Variants in USP34 observed in about 807,000 individuals in gnomAD.
USP34 encodes the protein ubiquitin carboxyl-terminal hydrolase 34.
A neutral mutation model predicts 460.3 loss-of-function variants in USP34; 70 were observed. The ratio of observed to expected loss-of-function variants is 0.15; its 90% CI spans 0.13 to 0.19. The LOEUF (loss-of-function observed/expected upper bound fraction) is 0.19. Among genes scored for constraint, USP34 ranks in the 10% least tolerant of loss-of-function variants. USP34 has a pLI of 1.00. For missense variants in USP34, 3,985 were observed against 4,236.2 expected, an observed-to-expected ratio of 0.94 and a Z score of 1.65; for synonymous variants, 1,647 against 1,405.3, an observed-to-expected ratio of 1.17 and a Z score of -3.85.
chr2:61,218,697 C>T (rs1220188946), intron 67 of USP34, among the ~76,000 whole-genome samples: 1 of 152,000 alleles, frequency 6.6e-6, no homozygotes, highest in African/African-American at 2.4e-5. Context: ...TTTACAGTTT[C>T]AAGGAATACT....
At chr2:61,351,566 G>A (rs1691942986) in intron 10 of USP34, among the ~76,000 whole-genome samples, 1 of 152,052 alleles carries the variant, frequency 6.6e-6, no homozygotes, top group Non-Finnish European at 1.5e-5. Context: ...GCTGTCAAAT[G>A]CAAAGTTTCC....
At chr2:61,245,324 TATA>T (rs766067635) in intron 50 of USP34, 36 bp from the exon 51 acceptor site, 33 of 1,199,910 alleles carry the variant, frequency 2.8e-5, no homozygotes, top group East Asian at 1.5e-4. Flanking sequence ...CTAGTATGCA[TATA>T]ATGAGTATCT....
At chr2:61,352,951 G>T (rs1255737784) in intron 10 of USP34, among the ~76,000 whole-genome samples, 2 of 152,190 alleles carry the variant, frequency 1.3e-5, no homozygotes, top group African/African-American at 4.8e-5. Flanking sequence ...GACAAAAAAT[G>T]TACTAGCCGA....
chr2:61,421,560 T>TA (rs1305998426), intron 1 of USP34, among the ~76,000 whole-genome samples: 1 of 152,202 alleles, frequency 6.6e-6, no homozygotes, highest in Non-Finnish European at 1.5e-5. Flanking sequence ...AACCAATTAT[T>TA]ATGTATGTAC....
intron 20 of USP34, among the ~76,000 whole-genome samples, chr2:61,328,078 G>C (rs1332394215): frequency 6.6e-6 from 1 of 152,018 alleles, no homozygotes; most frequent in Non-Finnish European, 1.5e-5. Context: ...GGAGGCGGGT[G>C]GATCGCCTGA....
chr2:61,370,591 C>A lies in USP34; in HGVS notation c.1077-12G>T. ...CTTTTGCAATGGACCTAAAGTCAAG[C>A]AATGAAAATAGTACATTAAAAAAAA... On this transcript the variant is annotated splice_polypyrimidine_tract_variant and intron_variant, in intron 8 of 79. Transcript: ENST00000398571. The A allele has an allele frequency of 6.2e-7, 1 of 1,609,546 alleles. No individual in the cohort carries two copies. The highest frequency in any genetic ancestry group is 8.5e-7 in the Non-Finnish European group (1 of 1,178,698).
At chr2:61,464,813 T>A (rs1182230625) in intron 1 of USP34, among the ~76,000 whole-genome samples, 1 of 151,884 alleles carries the variant, frequency 6.6e-6, no homozygotes, top group Non-Finnish European at 1.5e-5. Context: ...AGTTTACTAG[T>A]GAGTTTGCTA....
chr2:61,236,629 T>C (rs952716586), intron 53 of USP34, among the ~76,000 whole-genome samples: 18 of 152,190 alleles, frequency 1.2e-4, no homozygotes, highest in Non-Finnish European at 1.2e-4. Flanking sequence ...ATTGTATTTA[T>C]AAAAATGCTG....
chr2:61,418,987 G>GT (rs1694279835), intron 2 of USP34, among the ~76,000 whole-genome samples: 1 of 152,132 alleles, frequency 6.6e-6, no homozygotes, highest in Non-Finnish European at 1.5e-5. Context: ...TAAAATATGT[G>GT]TTTATTAAGT....
rs73932691 is a variant in USP34, at chr2:61,194,099, G to A, written c.9509-1119C>T. The A allele has an allele frequency of 3.6e-3, 3,558 of 985,340 alleles. 112 individuals carry two copies. In the African/African-American group the frequency reaches 0.058, roughly 16 times the overall value. 61.0% of individuals were successfully genotyped at this position (985,340 alleles called of 1,614,324 possible). On this transcript the variant is annotated intron_variant, in intron 75 of 79. Transcript: ENST00000398571. ...CATGTGGGTTGTAATTTGCCAAACC[G>A]TGGGTTAGACCAAGGACTTGAGAAC... is the stretch of plus-strand genomic sequence containing the variant.
At chr2:61,395,074 G>C (rs1302373044) in intron 4 of USP34, 72 bp from the exon 5 acceptor site, 1 of 1,483,358 alleles carries the variant, frequency 6.7e-7, no homozygotes, top group African/African-American at 1.4e-5. Context: ...ATACTGGAAA[G>C]ATACTGATGA....
intron 16 of USP34, among the ~76,000 whole-genome samples, chr2:61,341,618 C>T (rs1690452356): frequency 6.6e-6 from 1 of 152,040 alleles, no homozygotes; most frequent in African/African-American, 2.4e-5. Flanking sequence ...GCTCCCCCTT[C>T]ACATTCTACC....
rs576828050 is a variant in USP34 at position 61,446,203 on chromosome 2, C to T, written c.43+24447G>A. On this transcript the variant is annotated intron_variant, in intron 1 of 79. Coordinates refer to ENST00000398571, the MANE Select transcript of USP34 (RefSeq NM_014709.4). ...TATAAATACTTCATTCCATATTTTC[C>T]ACCAAAAAACACCAGTGAGACAAGT... 1.1e-4 allele frequency among the ~76,000 whole-genome samples: 16 copies of T among 151,418 alleles called. No homozygotes were observed. In the East Asian group the frequency reaches 2.9e-3, roughly 28 times the overall value.
intron 24 of USP34, 22 bp downstream of exon 24, chr2:61,314,853 G>C (rs887393228): frequency 6.2e-7 from 1 of 1,601,378 alleles, no homozygotes; most frequent in African/African-American, 1.3e-5. Flanking sequence ...TTACCTATCA[G>C]ACAATGTTTC....
chr2:61,278,604 C>T (rs528166612), intron 39 of USP34, among the ~76,000 whole-genome samples, 161 bp from the exon 40 acceptor site: 1 of 152,116 alleles, frequency 6.6e-6, no homozygotes, highest in East Asian at 1.9e-4. Context: ...TACATTATGT[C>T]AATTAACCAA....
At chr2:61,336,205 T>G (rs1475672849) in intron 18 of USP34, among the ~76,000 whole-genome samples, 5 of 150,666 alleles carry the variant, frequency 3.3e-5, no homozygotes, top group African/African-American at 1.2e-4. Context: ...AGTGCAGTGG[T>G]GCGATCTTGG....
intron 2 of USP34, among the ~76,000 whole-genome samples, chr2:61,413,908 C>T (rs1035072992): frequency 1.4e-5 from 2 of 146,918 alleles, no homozygotes; most frequent in Non-Finnish European, 3.0e-5. Context: ...TCCATCCTGG[C>T]GATACAGTGA....
At chr2:61,470,590 G>A (rs1168550025) in intron 1 of USP34, 60 bp downstream of exon 1, 5 of 1,253,248 alleles carry the variant, frequency 4.0e-6, no homozygotes, top group Non-Finnish European at 5.7e-6. Context: ...GGGGAGGCCA[G>A]AGAGCTGCGC....
chr2:61,401,214 T>C (rs563008729), intron 3 of USP34, among the ~76,000 whole-genome samples: 2 of 151,734 alleles, frequency 1.3e-5, no homozygotes, highest in Non-Finnish European at 2.9e-5. Flanking sequence ...TGTCTGATTA[T>C]ACCATACGTA....
Sources: allele counts gnomAD v4.1 joint callset (sites outside exome capture counted in the v4.1 genomes callset), GRCh38; gene constraint gnomAD v4.1.1; transcripts MANE v1.5; gene names NCBI Gene and HGNC (gene_info 2026-07-23, HGNC 2026-07-21).